The following TMEFF2 variants were observed in gnomAD, a reference collection of about 807,000 sequenced individuals.
TMEFF2 encodes the protein transmembrane protein with EGF like and two follistatin like domains 2, also known as tomoregulin-2.
Under a neutral mutation model 53.8 loss-of-function variants are expected in TMEFF2, and 28 were observed. That is an observed-to-expected ratio of 0.52 (90% confidence interval 0.39 to 0.71). The LOEUF (loss-of-function observed/expected upper bound fraction) is 0.71, where lower values mean the gene tolerates loss of function less well. TMEFF2 is among the 30% of genes least tolerant of loss of function. The pLI is 0.00. For synonymous variants in TMEFF2, 162 were observed against 166.3 expected (o/e 0.97, Z 0.20); for missense variants, 353 against 455.2 (o/e 0.78, Z 2.04).
At chr2:191,954,436 C>G (rs1363967389) in intron 8 of TMEFF2, among the ~76,000 whole-genome samples, 3 of 151,806 alleles carry the variant, frequency 2.0e-5, no homozygotes, top group Admixed American at 6.6e-5. Context: ...AATACATGTC[C>G]AGGAATGACT....
rs543667558 is a variant in TMEFF2 at position 191,983,604 on chromosome 2, T to C, written c.745+14658A>G. ...TAGAATGATTATAACATGCCTCTTA[T>C]TAAGAGGGGTCTACCCCAGGGCATA... On this transcript the variant is annotated intron_variant, in intron 7 of 9. Transcript: ENST00000272771. Among the ~76,000 whole-genome samples the C allele has an allele frequency of 1.4e-4, 21 of 152,282 alleles. 1 individual carries two copies. The South Asian group carries it at 4.1e-3, about 30-fold the overall frequency.
At chr2:192,026,526 T>C (rs1440483832) in intron 5 of TMEFF2, among the ~76,000 whole-genome samples, 3 of 152,312 alleles carry the variant, frequency 2.0e-5, no homozygotes, top group South Asian at 2.1e-4. Context: ...CTTGTTGAAA[T>C]TAGCACACAT....
intron 4 of TMEFF2, among the ~76,000 whole-genome samples, chr2:192,112,413 C>T (rs573481420): frequency 1.3e-5 from 2 of 152,172 alleles, no homozygotes; most frequent in Non-Finnish European, 2.9e-5. Flanking sequence ...GCCTGTACCC[C>T]CTTTGTTTTG....
intron 4 of TMEFF2, among the ~76,000 whole-genome samples, chr2:192,064,589 T>C (rs1688125360): frequency 6.6e-6 from 1 of 151,864 alleles, no homozygotes; most frequent in Non-Finnish European, 1.5e-5. Flanking sequence ...GTAGATTGTA[T>C]CATTTCCCCC....
chr2:192,116,882 T>C (rs1689426139), intron 4 of TMEFF2, among the ~76,000 whole-genome samples: 1 of 152,118 alleles, frequency 6.6e-6, no homozygotes, highest in Non-Finnish European at 1.5e-5. Context: ...TGATAAGAGT[T>C]TGTAAACCTT....
At chr2:191,959,883 CTTTG>C (rs1372786767) in intron 7 of TMEFF2, among the ~76,000 whole-genome samples, 2 of 152,000 alleles carry the variant, frequency 1.3e-5, no homozygotes, top group African/African-American at 2.4e-5. Context: ...GCTGGTGTGT[CTTTG>C]TTTTTTAGTT....
chr2:192,133,963 A>C lies in TMEFF2; in HGVS notation c.439+45705T>G, dbSNP rs183025304. ...TTTCCTTCCTAGGCATGGTTAGTGC[A>C]GTCAGAATTCTTACACAAGAGCCAG... On this transcript the variant is annotated intron_variant, in intron 4 of 9. Coordinates refer to ENST00000272771, the MANE Select transcript of TMEFF2 (RefSeq NM_016192.4). Among the ~76,000 whole-genome samples the C allele has an allele frequency of 1.1e-3, 164 of 152,264 alleles. 1 individual carries two copies. The highest frequency in any genetic ancestry group is 3.8e-3 in the African/African-American group (158 of 41,528).
intron 2 of TMEFF2, among the ~76,000 whole-genome samples, chr2:192,188,980 T>G (rs1180614111): frequency 6.6e-6 from 1 of 151,948 alleles, no homozygotes; most frequent in Non-Finnish European, 1.5e-5. Flanking sequence ...GTGACACATG[T>G]TTACATATGT....
At chr2:192,004,768 C>T (rs1046663266) in intron 5 of TMEFF2, among the ~76,000 whole-genome samples, 5 of 152,122 alleles carry the variant, frequency 3.3e-5, no homozygotes, top group African/African-American at 7.2e-5. Context: ...GAAAAGCACA[C>T]GTTTTTGAAA....
chr2:192,059,769 G>T (rs1180252827), intron 4 of TMEFF2, among the ~76,000 whole-genome samples: 1 of 152,152 alleles, frequency 6.6e-6, no homozygotes, highest in Non-Finnish European at 1.5e-5. Context: ...TGGTAAAATG[G>T]AGATGTTTGG....
At chr2:192,147,284 TATAATG>T (rs1690275267) in intron 4 of TMEFF2, among the ~76,000 whole-genome samples, 1 of 152,064 alleles carries the variant, frequency 6.6e-6, no homozygotes, top group African/African-American at 2.4e-5. Context: ...GTAGTCCACT[TATAATG>T]ATAAACAATA....
chr2:192,107,681 T>C (rs924149734), intron 4 of TMEFF2, among the ~76,000 whole-genome samples: 4 of 151,730 alleles, frequency 2.6e-5, no homozygotes, highest in Non-Finnish European at 4.4e-5. Flanking sequence ...ATTCTTCCTA[T>C]GTTTATAAGA....
At chr2:192,135,512 T>C (rs949793499) in intron 4 of TMEFF2, among the ~76,000 whole-genome samples, 3 of 152,092 alleles carry the variant, frequency 2.0e-5, no homozygotes, top group Non-Finnish European at 2.9e-5. Flanking sequence ...AAATCTTCCT[T>C]CAGCTTAATG....
At chr2:192,169,817 A>T (rs929238067) in intron 4 of TMEFF2, among the ~76,000 whole-genome samples, 2 of 152,042 alleles carry the variant, frequency 1.3e-5, no homozygotes, top group Non-Finnish European at 2.9e-5. Context: ...TTCTATTTCA[A>T]AGCAGTTCTG....
At chr2:191,962,831 G>T in intron 7 of TMEFF2, among the ~76,000 whole-genome samples, 1 of 152,060 alleles carries the variant, frequency 6.6e-6, no homozygotes, top group East Asian at 1.9e-4. Flanking sequence ...CCTGGCTTTC[G>T]ATGGCAGAGC....
At chr2:192,149,627 A>T (rs1200868996) in intron 4 of TMEFF2, among the ~76,000 whole-genome samples, 1 of 151,970 alleles carries the variant, frequency 6.6e-6, no homozygotes, top group African/African-American at 2.4e-5. Flanking sequence ...TTAGTTTGTG[A>T]ATTTTTTCAC....
At chr2:192,038,774 A>G (rs1366307594) in intron 5 of TMEFF2, among the ~76,000 whole-genome samples, 1 of 152,066 alleles carries the variant, frequency 6.6e-6, no homozygotes, top group Non-Finnish European at 1.5e-5. Context: ...CTCGTGAGAC[A>G]CCCTGCCCAG....
intron 5 of TMEFF2, among the ~76,000 whole-genome samples, chr2:192,040,763 A>T (rs1687456522): frequency 1.3e-5 from 2 of 152,180 alleles, no homozygotes; most frequent in South Asian, 4.1e-4. Flanking sequence ...GTCCAGTTGT[A>T]GCATAAGAAT....
At chr2:192,168,365 A>C (rs1214060601) in intron 4 of TMEFF2, among the ~76,000 whole-genome samples, 1 of 152,132 alleles carries the variant, frequency 6.6e-6, no homozygotes, top group Non-Finnish European at 1.5e-5. Context: ...ATGTCAAATT[A>C]AATGAAGGCA....
Sources: gnomAD v4.1 joint callset for allele counts (sites outside exome capture counted in the v4.1 genomes callset) on GRCh38, gnomAD v4.1.1 for gene constraint, MANE v1.5 for transcripts, NCBI Gene and HGNC (gene_info 2026-07-23, HGNC 2026-07-21) for gene names.